ABI3BP: variants seen among roughly 807,000 people sequenced by gnomAD.
ABI3BP encodes ABI family member 3 binding protein.
Under a neutral mutation model 268.6 loss-of-function variants are expected in ABI3BP, and 216 were observed. The ratio of observed to expected loss-of-function variants is 0.80; its 90% confidence interval spans 0.72 to 0.90. The LOEUF is 0.90. Among genes scored for constraint, ABI3BP ranks in the 40% least tolerant of loss-of-function variants. The pLI is 0.00. For missense variants in ABI3BP, 2,090 were observed against 2,182.4 expected (o/e 0.96, Z 0.84); for synonymous variants, 730 against 730.0 (o/e 1.00, Z 0.00).
intron 25 of ABI3BP, 35 bp from the exon 26 acceptor site, chr3:100,838,319 G>A (rs762515219): frequency 1.6e-5 from 24 of 1,530,536 alleles, no homozygotes; most frequent in East Asian, 4.9e-5. Context: ...TTAGTGTTAC[G>A]GCTGAGCTGT....
chr3:100,940,128 T>TG (rs2068267881), intron 1 of ABI3BP, among the ~76,000 whole-genome samples: 1 of 152,042 alleles, frequency 6.6e-6, no homozygotes, highest in African/African-American at 2.4e-5. Context: ...CAAACACACA[T>TG]GCTCTACAAT....
At chr3:100,980,084 G>T (rs1034272580) in intron 1 of ABI3BP, among the ~76,000 whole-genome samples, 3 of 152,102 alleles carry the variant, frequency 2.0e-5, no homozygotes, top group African/African-American at 4.8e-5. Flanking sequence ...CACTTGTTTT[G>T]CTGAAAGACT....
At chr3:100,880,197 G>A (rs1199887629) in intron 6 of ABI3BP, among the ~76,000 whole-genome samples, 1 of 152,184 alleles carries the variant, frequency 6.6e-6, no homozygotes, top group Non-Finnish European at 1.5e-5. Context: ...GAAATGGGAA[G>A]GAGGCAGTGA....
At chr3:100,970,626 C>T (rs546201873) in intron 1 of ABI3BP, among the ~76,000 whole-genome samples, 9 of 152,326 alleles carry the variant, frequency 5.9e-5, no homozygotes, top group African/African-American at 2.2e-4. Flanking sequence ...CTTGTGGGCC[C>T]TCAGGCTTGA....
chr3:100,837,347 T>G (rs2098610257), intron 26 of ABI3BP, 176 bp from the exon 27 acceptor site: 2 of 465,140 alleles, frequency 4.3e-6, no homozygotes, highest in South Asian at 1.0e-4. Flanking sequence ...AATTAAAATT[T>G]TATACTAATT....
At chr3:100,859,283 T>A (rs2098970979) in intron 14 of ABI3BP, among the ~76,000 whole-genome samples, 1 of 152,096 alleles carries the variant, frequency 6.6e-6, no homozygotes, top group Non-Finnish European at 1.5e-5. Flanking sequence ...TGTAATAATG[T>A]CATTAATACC....
rs147654172 is a variant in ABI3BP, at chr3:100,788,974, A to C, written c.4087+480T>G. ...TCCTAGGACCTTTGGAGAATTTAGT[A>C]AATTTAACGTATTTCCCAATATATA... On this transcript the variant is annotated intron_variant, in intron 56 of 67. Transcript: ENST00000471714. Among the ~76,000 whole-genome samples the C allele has an allele frequency of 3.9e-3, 588 of 152,190 alleles. 8 individuals are homozygous for C. Among genetic ancestry groups the C allele is most frequent in the African/African-American group, 0.014 (565 of 41,550 alleles).
chr3:100,752,955 A>C lies in ABI3BP; in HGVS notation c.4961-7T>G, dbSNP rs1308930015. 1.9e-6 allele frequency: 3 copies of C among 1,607,378 alleles called. No individual in the cohort carries two copies. Among genetic ancestry groups the C allele is most frequent in the Admixed American group, 3.4e-5 (2 of 58,786 alleles). On this transcript the variant is annotated splice_region_variant and splice_polypyrimidine_tract_variant and intron_variant, in intron 65 of 67. Transcript: ENST00000471714. ...CAGATGGCATCTCTTCCTGCTACAA[A>C]AGGAAAATAGTTTGAGTTTAGTATC...
chr3:100,823,574 C>A, intron 36 of ABI3BP, 60 bp from the exon 37 acceptor site: 1 of 1,303,328 alleles, frequency 7.7e-7, no homozygotes, highest in Admixed American at 2.6e-5. Flanking sequence ...TTAGAACACT[C>A]ACATGCAAAC....
At chr3:100,874,803 G>T in intron 9 of ABI3BP, 38 bp downstream of exon 9, 1 of 1,260,856 alleles carries the variant, frequency 7.9e-7, no homozygotes, top group Non-Finnish European at 1.1e-6. Context: ...CTAGTACTCA[G>T]TTACTGCAAA....
intron 57 of ABI3BP, among the ~76,000 whole-genome samples, chr3:100,787,022 C>T (rs1418394763): frequency 1.3e-5 from 2 of 151,866 alleles, no homozygotes; most frequent in Non-Finnish European, 2.9e-5. Flanking sequence ...ATTTTTTTAC[C>T]TAAGCAAACA....
intron 41 of ABI3BP, among the ~76,000 whole-genome samples, chr3:100,817,720 T>G (rs11924105): frequency 0.023 from 3,525 of 152,340 alleles, 95 homozygotes; most frequent in African/African-American, 0.069. Flanking sequence ...TGTTTGATTA[T>G]CTGATTCTTG....
At chr3:100,805,590 G>A (rs1018471881) in intron 50 of ABI3BP, among the ~76,000 whole-genome samples, 3 of 152,008 alleles carry the variant, frequency 2.0e-5, no homozygotes, top group African/African-American at 7.2e-5. Context: ...GGAATTACTA[G>A]CTCCTCTTTA....
intron 1 of ABI3BP, among the ~76,000 whole-genome samples, chr3:100,955,509 C>T (rs2076518785): frequency 6.6e-6 from 1 of 152,130 alleles, no homozygotes; most frequent in South Asian, 2.1e-4. Flanking sequence ...TTCTTTTCTT[C>T]ATAAGATTTT....
At position 100,750,418 on chromosome 3, in the gene ABI3BP, C is replaced by A; in HGVS notation, c.*77G>T. On this transcript the variant is annotated 3_prime_UTR_variant, in exon 68 of 68. Transcript: ENST00000471714. ...CTTTTATACATAGTAAACAAAATAG[C>A]TTTAAATGAATGCGGCATAGTATTT... The A allele has an allele frequency of 8.8e-7, 1 of 1,138,980 alleles. No individual in the cohort carries two copies. The allele number at this position is 1,138,980 out of a possible 1,614,324, so 70.6% of individuals were successfully genotyped here.
At chr3:100,934,315 T>C (rs899152265) in intron 1 of ABI3BP, among the ~76,000 whole-genome samples, 16 of 152,102 alleles carry the variant, frequency 1.1e-4, no homozygotes, top group Non-Finnish European at 1.6e-4. Context: ...CATGAACTCA[T>C]CCTTTTTTAT....
intron 15 of ABI3BP, 47 bp downstream of exon 15, chr3:100,851,828 G>T: frequency 6.7e-7 from 1 of 1,484,814 alleles, no homozygotes; most frequent in Non-Finnish European, 9.1e-7. Flanking sequence ...ACCACCAAGT[G>T]TTGGAACACC....
intron 1 of ABI3BP, among the ~76,000 whole-genome samples, chr3:100,977,430 AT>A (rs11318474): frequency 0.19 from 28,250 of 152,122 alleles, 2,804 homozygotes; most frequent in African/African-American, 0.25. Context: ...ATTGGCCAGG[AT>A]TACCATCACC....
At chr3:100,818,173 A>G (rs2098113707) in intron 41 of ABI3BP, among the ~76,000 whole-genome samples, 1 of 152,238 alleles carries the variant, frequency 6.6e-6, no homozygotes, top group South Asian at 2.1e-4. Flanking sequence ...ATATGAGCAA[A>G]GAAACACTGT....
Sources: allele counts gnomAD v4.1 joint callset (sites outside exome capture counted in the v4.1 genomes callset), GRCh38; gene constraint gnomAD v4.1.1; transcripts MANE v1.5; gene names NCBI Gene and HGNC (gene_info 2026-07-23, HGNC 2026-07-21).